The following PLAT variants were observed in gnomAD, a reference collection of about 807,000 sequenced individuals.
PLAT encodes the protein plasminogen activator, tissue type.
A neutral mutation model predicts 74.9 loss-of-function variants in PLAT; 48 were observed. The observed-to-expected ratio is 0.64, with a 90% CI of 0.51 to 0.82. The LOEUF (loss-of-function observed/expected upper bound fraction) is 0.82, where lower values mean the gene tolerates loss of function less well. Ranked by LOEUF, PLAT falls within the 40% of genes least tolerant of loss-of-function variation. PLAT has a pLI of 0.00. For missense variants in PLAT, 673 were observed against 736.2 expected (o/e 0.91, Z 0.99); for synonymous variants, 307 against 294.4 (o/e 1.04, Z -0.44).
chr8:42,184,183 C>T lies in PLAT; in HGVS notation c.631+898G>A, dbSNP rs554991584. On this transcript the variant is annotated intron_variant, in intron 7 of 13. Coordinates refer to ENST00000220809, the MANE Select transcript of PLAT (RefSeq NM_000930.5). Reference sequence around the variant, plus strand: ...CTCAAACTCCTGGGCTCAAGCAGTTCTCCCGCCTCAGCCTCCCAAAGTGCT... The same window carrying T: ...CTCAAACTCCTGGGCTCAAGCAGTTTTCCCGCCTCAGCCTCCCAAAGTGCT... Among the ~76,000 whole-genome samples the T allele has an allele frequency of 3.0e-3, 449 of 152,066 alleles. 1 individual carries two copies. The highest frequency in any genetic ancestry group is 0.01 in the African/African-American group (435 of 41,474).
chr8:42,180,033 C>G lies in PLAT; in HGVS notation c.1256G>C (p.Cys419Ser). The change falls in exon 12 of 14, where the codon TGT becomes TCT. Residue 419 changes from cysteine to serine, a missense_variant. Coordinates refer to ENST00000220809, the MANE Select transcript of PLAT (RefSeq NM_000930.5). ...GCGGACCACGCTGCTCTCCTGGGCA[C>G]AGCGGGACGAATCCGATTTCAGCTG... The part of the protein sequence containing the change: ...LLQLKSDSSR[C>S]AQESSVVRTV... 1 of 1,609,580 alleles carries G rather than the reference C, an allele frequency of 6.2e-7. No individual in the cohort carries two copies. Among genetic ancestry groups the G allele is most frequent in the Non-Finnish European group, 8.5e-7 (1 of 1,177,308 alleles).
chr8:42,196,835 GAAAAA>G (rs3216302), intron 1 of PLAT, among the ~76,000 whole-genome samples: 1 of 138,312 alleles, frequency 7.2e-6, no homozygotes, highest in Admixed American at 7.3e-5. Flanking sequence ...TCAAAGAACT[GAAAAA>G]AAAAAAGGCA....
chr8:42,196,455 A>G (rs528026737), intron 1 of PLAT, among the ~76,000 whole-genome samples: 1 of 152,354 alleles, frequency 6.6e-6, no homozygotes, highest in Non-Finnish European at 1.5e-5. Flanking sequence ...GGGGTAAGAG[A>G]TGACAAAGAA....
rs763647679 is a variant in PLAT at position 42,187,546 on chromosome 8, G to C, written c.391C>G (p.Gln131Glu). The change falls in exon 6 of 14, where the codon CAG becomes GAG. Residue 131 changes from glutamine (Q) to glutamate (E), a missense_variant. Physicochemically the swap from Gln to Glu is conservative, Grantham distance 29. Transcript: ENST00000220809. ...IDTRATCYEDQGISYRGTWST... is the reference protein window; with the variant it reads ...IDTRATCYEDEGISYRGTWST... ...CACGTGCCCCTGTAGCTGATGCCCT[G>C]GTCCTCGTAGCACGTGGCCCTGGTA... The C allele has an allele frequency of 6.2e-7, 1 of 1,605,416 alleles. No homozygotes were observed.
At position 42,175,882 on chromosome 8, in the gene PLAT, G is replaced by A. The variant is rs1804948710; in HGVS notation, c.*111C>T. ...TCCTGTAGGGTCTCGTCCCGCTTCT[G>A]CGGTGTGGTGGGTCTGGAGAAGTCT... On this transcript the variant is annotated 3_prime_UTR_variant, in exon 14 of 14. Coordinates refer to ENST00000220809, the MANE Select transcript of PLAT (RefSeq NM_000930.5). 2 of 1,017,862 alleles carry A rather than the reference G, an allele frequency of 2.0e-6. No homozygotes were observed. Among genetic ancestry groups the A allele is most frequent in the Non-Finnish European group, 3.0e-6 (2 of 674,002 alleles). The allele number at this position is 1,017,862 out of a possible 1,614,324, so 63.1% of individuals were successfully genotyped here. A position where few individuals can be genotyped will look rare whatever the true frequency, so the allele number is the denominator to read the frequency against.
chr8:42,182,726 A>G lies in PLAT; in HGVS notation c.796T>C (p.Tyr266His), dbSNP rs1401902171. 6.2e-7 allele frequency: 1 copy of G among 1,603,400 alleles called. No homozygotes were observed. Among genetic ancestry groups the G allele is most frequent in the Non-Finnish European group, 8.5e-7 (1 of 1,174,986 alleles). ...CACCCCTGTGCTACCTACCGGCAGT[A>G]ATTATGTTTGCCCAGGCCCAGTGCC... ...AQALGLGKHN[Y>H]CRNPDGDAKP... Residue 266 changes from tyrosine (Y) to histidine (H), a missense_variant, in exon 8 of 14, where the codon TAC becomes CAC. Physicochemically the swap from Tyr to His is moderately conservative, Grantham distance 83. Transcript: ENST00000220809.
In PLAT at chr8:42,178,921, C is replaced by T; in HGVS notation, c.1506G>A (p.Gln502=). The T allele has an allele frequency of 1.2e-6, 2 of 1,613,664 alleles. No homozygotes were observed. Among genetic ancestry groups the T allele is most frequent in the Non-Finnish European group, 8.5e-7 (1 of 1,179,996 alleles). ...CCTGGCAGGCGTCGTGCAAGTTTGC[C>T]TGGGGCCCGCCGCTCCGAGTGTCTC... ...CAGDTRSGGP[Q]ANLHDACQGD... is the part of the protein sequence containing the mutation. The change falls in exon 13 of 14, where the codon CAG becomes CAA. Residue 502 remains glutamine (Q), a synonymous_variant. Transcript: ENST00000220809.
chr8:42,177,817 A>G (rs1805028730), intron 13 of PLAT, among the ~76,000 whole-genome samples: 1 of 152,234 alleles, frequency 6.6e-6, no homozygotes, highest in Non-Finnish European at 1.5e-5. Context: ...AAATCCTGTC[A>G]GGGAATCAGA....
intron 9 of PLAT, among the ~76,000 whole-genome samples, chr8:42,181,321 A>G (rs960722254): frequency 1.4e-4 from 22 of 152,206 alleles, no homozygotes; most frequent in African/African-American, 4.8e-4. Flanking sequence ...TTTTTTAGCA[A>G]TATGCACCAA....
chr8:42,187,999 AC>A lies in PLAT; in HGVS notation c.270del (p.Arg90SerfsTer32). The A allele has an allele frequency of 6.2e-7, 1 of 1,611,672 alleles. No individual in the cohort carries two copies. On this transcript the variant is annotated frameshift_variant, in exon 5 of 14. Transcript: ENST00000220809. LOFTEE classifies it high-confidence loss of function. ...TGCTGGCAGGTGCCCCCGTTGAAAC[AC>A]CTTGGCTCGCTGCAACCTGTCAAGT... The part of the protein sequence containing the change: ...SVPVKSCSEP[R>X]CFNGGTCQQA...
Position 42,193,489 on chromosome 8 carries a change from C to T in PLAT, c.-26-278G>A, listed in dbSNP as rs1805766442. 6 of 295,260 alleles carry T rather than the reference C, an allele frequency of 2.0e-5. No homozygotes were observed. The South Asian group carries it at 2.8e-4, about 14-fold the overall frequency. The allele number at this position is 295,260 out of a possible 1,614,324, so 18.3% of individuals were successfully genotyped here. On this transcript the variant is annotated intron_variant, in intron 1 of 13. Coordinates refer to ENST00000220809, the MANE Select transcript of PLAT (RefSeq NM_000930.5). ...GCTGTGCGGCCGGCCGTCACCACCG[C>T]CCATCTCCAGAACTTCTCCATCACC...
chr8:42,182,552 C>T, intron 8 of PLAT, 167 bp downstream of exon 8: 1 of 548,624 alleles, frequency 1.8e-6, no homozygotes, highest in South Asian at 2.8e-5. Flanking sequence ...TTGCTTTTCA[C>T]AATATGTGTT....
At chr8:42,204,587 C>T (rs1301264990) in intron 1 of PLAT, among the ~76,000 whole-genome samples, 5 of 150,770 alleles carry the variant, frequency 3.3e-5, no homozygotes, top group South Asian at 2.1e-4. Context: ...TGGTGGCGGG[C>T]GCCTGTAATC....
chr8:42,176,973 TTTTTTTTG>T (rs1183297183), intron 13 of PLAT, among the ~76,000 whole-genome samples: 3 of 147,940 alleles, frequency 2.0e-5, no homozygotes, highest in Non-Finnish European at 4.4e-5. Context: ...CTTTTTTTGT[TTTTTTTTG>T]TTTTTTTGTT....
chr8:42,178,496 C>T (rs8178789), intron 13 of PLAT, among the ~76,000 whole-genome samples: 75 of 152,308 alleles, frequency 4.9e-4, no homozygotes, highest in African/African-American at 1.8e-3. Context: ...TCTCGAACTC[C>T]TGACCTCAGG....
intron 7 of PLAT, chr8:42,184,694 G>GC (rs1554497565): frequency 8.0e-6 from 1 of 125,528 alleles, no homozygotes; most frequent in South Asian, 2.7e-4. Flanking sequence ...AATCTTGGAA[G>GC]TTTTTTTTTT....
Position 42,175,876 on chromosome 8 carries a change from G to T in PLAT, c.*117C>A. The T allele has an allele frequency of 1.0e-6, 1 of 967,594 alleles. No homozygotes were observed. Among genetic ancestry groups the T allele is most frequent in the Non-Finnish European group, 1.6e-6 (1 of 634,594 alleles). The allele number at this position is 967,594 out of a possible 1,614,324, so 59.9% of individuals were successfully genotyped here. On this transcript the variant is annotated 3_prime_UTR_variant, in exon 14 of 14. Transcript: ENST00000220809. ...TCCCTCTCCTGTAGGGTCTCGTCCC[G>T]CTTCTGCGGTGTGGTGGGTCTGGAG...
At chr8:42,195,008 T>C (rs564505665) in intron 1 of PLAT, among the ~76,000 whole-genome samples, 5 of 152,290 alleles carry the variant, frequency 3.3e-5, no homozygotes, top group South Asian at 2.1e-4. Context: ...GGGTGTTATT[T>C]TGTGGTCTGG....
intron 1 of PLAT, among the ~76,000 whole-genome samples, chr8:42,200,494 G>A (rs1183579609): frequency 6.7e-6 from 1 of 148,708 alleles, no homozygotes; most frequent in Non-Finnish European, 1.5e-5. Flanking sequence ...GGGTAACATG[G>A]CAAAACCCCA....
Sources: gnomAD v4.1 joint callset for allele counts (sites outside exome capture counted in the v4.1 genomes callset) on GRCh38, gnomAD v4.1.1 for gene constraint, MANE v1.5 for transcripts, NCBI Gene and HGNC (gene_info 2026-07-23, HGNC 2026-07-21) for gene names.